The following SAMD12 variants were observed in gnomAD, a reference collection of about 807,000 sequenced individuals.
SAMD12 encodes sterile alpha motif domain containing 12, also known as sterile alpha motif domain-containing protein 12.
A neutral mutation model predicts 15.0 loss-of-function variants in SAMD12; 9 were observed. The observed-to-expected ratio is 0.60, with a 90% CI of 0.36 to 1.05. The LOEUF is 1.05. SAMD12 is among the 50% of genes least tolerant of loss of function. The pLI is 0.01. For synonymous variants in SAMD12, 86 were observed against 90.1 expected (o/e 0.96, Z 0.25); for missense variants, 230 against 234.2 (o/e 0.98, Z 0.12).
At chr8:118,380,554 C>T (rs573625432) in intron 3 of SAMD12, among the ~76,000 whole-genome samples, 5 of 152,286 alleles carry the variant, frequency 3.3e-5, no homozygotes, top group African/African-American at 1.2e-4. Flanking sequence ...AAGCATATTT[C>T]CATTTTGAGG....
At chr8:118,371,847 C>T (rs1473069485) in intron 4 of SAMD12, among the ~76,000 whole-genome samples, 1 of 152,064 alleles carries the variant, frequency 6.6e-6, no homozygotes, top group Non-Finnish European at 1.5e-5. Flanking sequence ...GACCTACCCC[C>T]AGGAGGAATC....
At chr8:118,485,848 T>C (rs146326765) in intron 2 of SAMD12, among the ~76,000 whole-genome samples, 2 of 152,344 alleles carry the variant, frequency 1.3e-5, no homozygotes, top group East Asian at 3.9e-4. Context: ...AACTTCCTCA[T>C]GTGTGAAACA....
At chr8:118,543,663 C>T (rs151000232) in intron 2 of SAMD12, among the ~76,000 whole-genome samples, 5 of 114,096 alleles carry the variant, frequency 4.4e-5, no homozygotes, top group South Asian at 5.4e-4. Flanking sequence ...CACCAGCTAT[C>T]GTTAGCATTA....
At chr8:118,366,836 T>C (rs1445949381) in intron 4 of SAMD12, among the ~76,000 whole-genome samples, 2 of 77,764 alleles carry the variant, frequency 2.6e-5, no homozygotes, top group East Asian at 6.3e-4. Flanking sequence ...TAAAATAAAA[T>C]AAAATAAAAT....
At chr8:118,532,746 C>G (rs1248917701) in intron 2 of SAMD12, among the ~76,000 whole-genome samples, 1 of 152,166 alleles carries the variant, frequency 6.6e-6, no homozygotes, top group Non-Finnish European at 1.5e-5. Context: ...ATAGCATTCT[C>G]TGATGGTAGT....
At chr8:118,480,425 T>C (rs1184936149) in intron 2 of SAMD12, among the ~76,000 whole-genome samples, 1 of 152,218 alleles carries the variant, frequency 6.6e-6, no homozygotes, top group African/African-American at 2.4e-5. Context: ...GTAAGTTGAT[T>C]ATGTAATTTC....
chr8:118,450,936 G>C (rs1226970063), intron 2 of SAMD12, among the ~76,000 whole-genome samples: 3 of 152,090 alleles, frequency 2.0e-5, no homozygotes, highest in Admixed American at 6.5e-5. Flanking sequence ...CAGGGATGTG[G>C]CTTAAAAGTA....
At chr8:118,244,434 A>G (rs1812641666) in intron 4 of SAMD12, among the ~76,000 whole-genome samples, 1 of 152,062 alleles carries the variant, frequency 6.6e-6, no homozygotes, top group Non-Finnish European at 1.5e-5. Context: ...TGCAAGGAAC[A>G]CTTATATATC....
chr8:118,298,323 T>A (rs1199216306), intron 4 of SAMD12, among the ~76,000 whole-genome samples: 5 of 152,218 alleles, frequency 3.3e-5, no homozygotes, highest in Admixed American at 3.3e-4. Flanking sequence ...GTTATATAAA[T>A]TGTAGGTTGA....
the SAMD12 span, among the ~76,000 whole-genome samples, chr8:118,157,974 G>A: frequency 3.3e-5 from 5 of 152,144 alleles, no homozygotes; most frequent in Admixed American, 6.5e-5. Context: ...CAGTTTCCAG[G>A]ACTTGGAGCA....
At position 118,269,257 on chromosome 8, in the gene SAMD12, TGTG is replaced by T. The variant is rs1563723645; in HGVS notation, c.434-71528_434-71526del. Among the ~76,000 whole-genome samples, 997 of 138,146 alleles carry T rather than the reference TGTG, an allele frequency of 7.2e-3. 18 individuals are homozygous for T. The highest frequency in any genetic ancestry group is 0.027 in the African/African-American group (950 of 35,832). 90.6% of individuals were successfully genotyped at this position (138,146 alleles called of 152,430 possible). On this transcript the variant is annotated intron_variant, in intron 4 of 4. Coordinates refer to the SAMD12 transcript ENST00000409003. ...GTGTGTGTGTGTGTGTGTGTGTGTG[TGTG>T]TAAGCAGGAAACAAATGTAGAAGTG...
At chr8:118,321,839 T>C (rs964445961) in intron 4 of SAMD12, among the ~76,000 whole-genome samples, 2 of 152,184 alleles carry the variant, frequency 1.3e-5, no homozygotes. Context: ...ATGAGGATGA[T>C]AATAATAAGC....
chr8:118,387,436 CT>C (rs1246383338), intron 3 of SAMD12, among the ~76,000 whole-genome samples: 2 of 148,566 alleles, frequency 1.3e-5, no homozygotes, highest in East Asian at 2.0e-4. Flanking sequence ...GCCACCACTT[CT>C]TTTTACTCTT....
intron 4 of SAMD12, among the ~76,000 whole-genome samples, chr8:118,257,577 C>G (rs529096782): frequency 6.6e-6 from 1 of 152,148 alleles, no homozygotes; most frequent in East Asian, 1.9e-4. Context: ...GTACAAGTTA[C>G]AGCATCCCTG....
In SAMD12 at chr8:118,476,482, T is replaced by C. The variant is rs187445373; in HGVS notation, c.193-36521A>G. Among the ~76,000 whole-genome samples the C allele has an allele frequency of 1.4e-4, 21 of 152,330 alleles. No homozygotes were observed. In the East Asian group the frequency reaches 3.1e-3, roughly 22 times the overall value. ...TACAGAGATAAATAAAGAATCCAAG[T>C]AGAGTCTAGTCCAGAAAGATGAGAC... On this transcript the variant is annotated intron_variant, in intron 2 of 3. Transcript: ENST00000314727.
chr8:118,469,497 A>G (rs1258370228), intron 2 of SAMD12, among the ~76,000 whole-genome samples: 1 of 20,956 alleles, frequency 4.8e-5, no homozygotes, highest in East Asian at 2.0e-3. Flanking sequence ...TATTATATAT[A>G]TATTTTTATA....
chr8:118,513,909 C>T (rs776184359), intron 2 of SAMD12, among the ~76,000 whole-genome samples: 11 of 152,234 alleles, frequency 7.2e-5, no homozygotes, highest in Non-Finnish European at 1.0e-4. Flanking sequence ...GGAGCCATCA[C>T]TATTCCATCC....
chr8:118,339,571 G>A (rs1274694651), intron 4 of SAMD12, among the ~76,000 whole-genome samples: 1 of 152,230 alleles, frequency 6.6e-6, no homozygotes, highest in African/African-American at 2.4e-5. Flanking sequence ...TCTGAGGAGT[G>A]GTGCTGATCA....
chr8:118,216,636 T>C (rs893092485), intron 4 of SAMD12, among the ~76,000 whole-genome samples: 2 of 152,164 alleles, frequency 1.3e-5, no homozygotes, highest in African/African-American at 2.4e-5. Flanking sequence ...TTACTAGTAG[T>C]TGGTAGAGAA....
Sources: gnomAD v4.1 joint callset for allele counts (sites outside exome capture counted in the v4.1 genomes callset) on GRCh38, gnomAD v4.1.1 for gene constraint, MANE v1.5 for transcripts, NCBI Gene and HGNC (gene_info 2026-07-23, HGNC 2026-07-21) for gene names.